HTT: variants seen among roughly 807,000 people sequenced by gnomAD.
The protein encoded by HTT is huntington disease protein.
In HTT, 104 loss-of-function variants were observed where a neutral mutation model predicts 362.3. The ratio of observed to expected loss-of-function variants is 0.29; its 90% confidence interval spans 0.24 to 0.34. The LOEUF is 0.34. HTT is among the 10% of genes least tolerant of loss of function. The pLI is 1.00. For synonymous variants in HTT, 1,577 were observed against 1,548.7 expected (o/e 1.02, Z -0.43); for missense variants, 3,301 against 3,928.6 (o/e 0.84, Z 4.27).
intron 6 of HTT, among the ~76,000 whole-genome samples, 181 bp downstream of exon 6, chr4:3,107,604 C>A (rs1478173185): frequency 6.6e-6 from 1 of 152,162 alleles, no homozygotes; most frequent in Non-Finnish European, 1.5e-5. Context: ...TTCCACTTCT[C>A]ATTTCTTACT....
chr4:3,235,809 G>A, intron 63 of HTT, 31 bp downstream of exon 63: 1 of 1,541,552 alleles, frequency 6.5e-7, no homozygotes, highest in Non-Finnish European at 8.8e-7. Flanking sequence ...CATAAGGCCA[G>A]CCCAAGTCCT....
At chr4:3,175,205 C>T in intron 33 of HTT, 98 bp downstream of exon 33, 1 of 1,141,158 alleles carries the variant, frequency 8.8e-7, no homozygotes, top group South Asian at 1.5e-5. Context: ...ATGTGGTCTG[C>T]ATGTTTCCCT....
intron 64 of HTT, among the ~76,000 whole-genome samples, chr4:3,237,159 C>T (rs562111423): frequency 2.0e-5 from 3 of 150,416 alleles, no homozygotes; most frequent in Non-Finnish European, 3.0e-5. Context: ...CTGCAACCTC[C>T]GCCTCCCGGG....
rs537395703 is a variant in HTT at position 3,239,119 on chromosome 4, A to G, written c.9215+141A>G. The G allele has an allele frequency of 1.1e-4, 100 of 891,074 alleles. No individual in the cohort carries two copies. The African/African-American group carries it at 1.5e-3, about 13-fold the overall frequency. The allele number at this position is 891,074 out of a possible 1,614,324, so 55.2% of individuals were successfully genotyped here. ...GACAGGCCCTCAGCCCCAGGGAAGT[A>G]AAATGCTGACAGGGGTACAGAAAGG... On this transcript the variant is annotated intron_variant, in intron 66 of 66. Transcript: ENST00000355072.
chr4:3,175,049 A>T lies in HTT; in HGVS notation c.4349A>T (p.Asp1450Val), dbSNP rs899990393. 1.9e-6 allele frequency: 3 copies of T among 1,614,006 alleles called. No homozygotes were observed. In the East Asian group the frequency reaches 6.7e-5, roughly 36 times the overall value. Reference protein sequence around the residue: ...TCVQLQKQVLDLLAQLVQLRV... With the variant: ...TCVQLQKQVLVLLAQLVQLRV... ...GTGCAGTTACAGAAGCAGGTTTTAG[A>T]TTTGCTGGCGCAGCTGGTTCAGTTA... Residue 1450 changes from aspartate to valine, a missense_variant, in exon 33 of 67, where the codon GAT becomes GTT. Physicochemically the swap from Asp to Val is radical, Grantham distance 152. Around this residue, in one of 4 missense-constraint regions of HTT, gnomAD observed 2,316 missense variants for 2,658.5 expected, o/e 0.87. Coordinates refer to ENST00000355072, the MANE Select transcript of HTT (RefSeq NM_001388492.1).
chr4:3,087,170 G>T (rs1578486392), intron 2 of HTT, 148 bp downstream of exon 2: 2 of 515,886 alleles, frequency 3.9e-6, no homozygotes, highest in East Asian at 5.9e-5. Flanking sequence ...CATATTTCTG[G>T]CTATATACAA....
chr4:3,235,186 C>T, intron 61 of HTT, 98 bp from the exon 62 acceptor site: 1 of 885,466 alleles, frequency 1.1e-6, no homozygotes, highest in South Asian at 1.5e-5. Context: ...CCCGCCTGGC[C>T]CATAGCTCTA....
At chr4:3,224,218 G>A in intron 56 of HTT, 87 bp downstream of exon 56, 1 of 1,385,944 alleles carries the variant, frequency 7.2e-7, no homozygotes, top group Non-Finnish European at 1.0e-6. Context: ...AGTGATGCGG[G>A]AAGACCTGAG....
At chr4:3,238,001 CT>C (rs1299937110) in intron 64 of HTT, among the ~76,000 whole-genome samples, 3 of 152,320 alleles carry the variant, frequency 2.0e-5, no homozygotes, top group South Asian at 4.1e-4. Flanking sequence ...GGAACGGGTT[CT>C]TTTGTTATGA....
intron 1 of HTT, 86 bp from the exon 2 acceptor site, chr4:3,086,853 A>G: frequency 1.4e-6 from 1 of 719,762 alleles, no homozygotes; most frequent in African/African-American, 1.8e-5. Context: ...GTCGAGAAAC[A>G]CTCACTGAAT....
intron 1 of HTT, among the ~76,000 whole-genome samples, chr4:3,077,462 C>G (rs1321865364): frequency 6.6e-6 from 1 of 152,108 alleles, no homozygotes; most frequent in Non-Finnish European, 1.5e-5. Flanking sequence ...CATTGTCACC[C>G]AGGCTGGAGT....
chr4:3,141,631 G>A (rs192092673), intron 22 of HTT, among the ~76,000 whole-genome samples: 203 of 152,190 alleles, frequency 1.3e-3, no homozygotes, highest in Admixed American at 2.9e-3. Context: ...GCGTGGTGGC[G>A]GGCCCCTGTA....
chr4:3,140,454 A>G (rs1716289565), intron 21 of HTT, 56 bp from the exon 22 acceptor site: 40 of 1,545,134 alleles, frequency 2.6e-5, no homozygotes, highest in Middle Eastern at 1.8e-4. Context: ...AGGGTGGTCT[A>G]TCACAGGTGA....
intron 22 of HTT, among the ~76,000 whole-genome samples, chr4:3,142,407 A>T (rs1210140871): frequency 6.6e-6 from 1 of 152,176 alleles, no homozygotes; most frequent in Non-Finnish European, 1.5e-5. Flanking sequence ...GACATGTGCC[A>T]TGAAGGGAAT....
intron 37 of HTT, among the ~76,000 whole-genome samples, chr4:3,184,623 G>A (rs1718676928): frequency 6.6e-6 from 1 of 152,134 alleles, no homozygotes; most frequent in South Asian, 2.1e-4. Context: ...GGTGAGGACA[G>A]GGTGGCTGTG....
chr4:3,091,044 A>G (rs1306045728), intron 2 of HTT, among the ~76,000 whole-genome samples: 1 of 152,192 alleles, frequency 6.6e-6, no homozygotes, highest in Admixed American at 6.5e-5. Flanking sequence ...CCCAGGAGGT[A>G]CAGGTTGCGG....
intron 6 of HTT, among the ~76,000 whole-genome samples, chr4:3,112,209 C>T (rs1342884506): frequency 6.6e-6 from 1 of 152,146 alleles, no homozygotes; most frequent in Non-Finnish European, 1.5e-5. Flanking sequence ...AATCTCCCAC[C>T]CTCTGGTTTA....
At position 3,083,570 on chromosome 4, in the gene HTT, C is replaced by T. The variant is rs969188449; in HGVS notation, c.264-3369C>T. Among the ~76,000 whole-genome samples, 31 of 144,552 alleles carry T rather than the reference C, an allele frequency of 2.1e-4. 1 individual carries two copies. Among genetic ancestry groups the T allele is most frequent in the African/African-American group, 6.1e-4 (23 of 37,514 alleles). The allele number at this position is 144,552 out of a possible 152,430, so 94.8% of individuals were successfully genotyped here. On this transcript the variant is annotated intron_variant, in intron 1 of 66. Coordinates refer to ENST00000355072, the MANE Select transcript of HTT (RefSeq NM_001388492.1). ...ACACACACACACACACACACACACACACACACACACACACACATATATATG... is the reference window on the plus strand; with the variant it reads ...ACACACACACACACACACACACACATACACACACACACACACATATATATG...
chr4:3,113,774 G>A (rs913229304), intron 6 of HTT, among the ~76,000 whole-genome samples: 32 of 151,924 alleles, frequency 2.1e-4, no homozygotes, highest in South Asian at 4.2e-4. Flanking sequence ...GGGGGGTGGG[G>A]TAGTCCTGTG....
Sources: allele counts gnomAD v4.1 joint callset (sites outside exome capture counted in the v4.1 genomes callset), GRCh38; gene constraint gnomAD v4.1.1; regional missense constraint gnomAD v4.1.1; transcripts MANE v1.5; gene names NCBI Gene and HGNC (gene_info 2026-07-23, HGNC 2026-07-21).